ADAMTSL3: variants seen among roughly 807,000 people sequenced by gnomAD.
ADAMTSL3 encodes ADAMTS-like protein 3.
A neutral mutation model predicts 201.7 loss-of-function variants in ADAMTSL3; 128 were observed. The observed-to-expected ratio is 0.63, with a 90% CI of 0.55 to 0.73. The LOEUF (loss-of-function observed/expected upper bound fraction) is 0.73, where lower values mean the gene tolerates loss of function less well. ADAMTSL3 is among the 30% of genes least tolerant of loss of function. The probability of loss-of-function intolerance (pLI) is 0.00; values close to 1 mark genes in which losing one functional copy is unlikely to be tolerated. For synonymous variants in ADAMTSL3, 738 were observed against 748.4 expected (o/e 0.99, Z 0.23); for missense variants, 1,990 against 2,119.6 (o/e 0.94, Z 1.20).
At chr15:83,921,354 G>T (rs968315006) in intron 16 of ADAMTSL3, among the ~76,000 whole-genome samples, 1 of 152,042 alleles carries the variant, frequency 6.6e-6, no homozygotes, top group Non-Finnish European at 1.5e-5. Context: ...TATTTCTAGG[G>T]CCCAAGACTA....
intron 23 of ADAMTSL3, among the ~76,000 whole-genome samples, chr15:83,993,268 C>T (rs974372490): frequency 2.6e-5 from 4 of 152,142 alleles, no homozygotes; most frequent in Non-Finnish European, 4.4e-5. Flanking sequence ...ATAGGTGAGT[C>T]ATATATCTTT....
intron 19 of ADAMTSL3, among the ~76,000 whole-genome samples, chr15:83,948,909 G>A (rs2066708750): frequency 6.6e-6 from 1 of 150,948 alleles, no homozygotes; most frequent in Admixed American, 6.6e-5. Context: ...ATATTTTATG[G>A]GGTACATGAG....
intron 2 of ADAMTSL3, among the ~76,000 whole-genome samples, chr15:83,658,188 C>T (rs1159726219): frequency 3.9e-5 from 6 of 152,226 alleles, no homozygotes; most frequent in South Asian, 4.1e-4. Context: ...CAGCTCACTG[C>T]AACCTCTGCT....
intron 3 of ADAMTSL3, among the ~76,000 whole-genome samples, chr15:83,771,176 T>A (rs2062976606): frequency 6.6e-6 from 1 of 151,662 alleles, no homozygotes; most frequent in South Asian, 2.1e-4. Context: ...TCTTTTTTTT[T>A]TTTTTTTTAT....
chr15:83,881,247 CA>C (rs2065264895), intron 9 of ADAMTSL3, among the ~76,000 whole-genome samples: 1 of 152,128 alleles, frequency 6.6e-6, no homozygotes, highest in Non-Finnish European at 1.5e-5. Context: ...GTCGTGTTTC[CA>C]GTTTACTTTA....
At chr15:83,825,854 T>C (rs917587807) in intron 6 of ADAMTSL3, among the ~76,000 whole-genome samples, 2 of 152,084 alleles carry the variant, frequency 1.3e-5, no homozygotes, top group Admixed American at 6.5e-5. Flanking sequence ...GGAATAGTGC[T>C]AGGAGATGAG....
Position 83,913,245 on chromosome 15 carries a change from G to T in ADAMTSL3, c.1854G>T (p.Arg618=). ...ECEGPKLPTE[R]PCLLEACDES... is the part of the protein sequence containing the mutation. Reference sequence around the variant, plus strand: ...AAGGCCCCAAGCTGCCCACCGAACGGCCCTGCCTCCTGGAAGCATGTGATG... The same window carrying T: ...AAGGCCCCAAGCTGCCCACCGAACGTCCCTGCCTCCTGGAAGCATGTGATG... The change falls in exon 16 of 30, where the codon CGG becomes CGT. Residue 618 remains arginine (R), a synonymous_variant. Coordinates refer to ENST00000286744, the MANE Select transcript of ADAMTSL3 (RefSeq NM_207517.3). The T allele has an allele frequency of 1.2e-6, 2 of 1,614,114 alleles. No individual in the cohort carries two copies. The highest frequency in any genetic ancestry group is 1.7e-6 in the Non-Finnish European group (2 of 1,180,038).
intron 7 of ADAMTSL3, among the ~76,000 whole-genome samples, chr15:83,852,379 G>T (rs2064635214): frequency 1.3e-5 from 2 of 152,138 alleles, no homozygotes; most frequent in Non-Finnish European, 2.9e-5. Flanking sequence ...CTCTTAAAGT[G>T]CTGGGATTAC....
At position 83,982,755 on chromosome 15, in the gene ADAMTSL3, C is replaced by G. The variant is rs767560619; in HGVS notation, c.3127C>G (p.Leu1043Val). Residue 1043 changes from leucine (L) to valine (V), a missense_variant, in exon 21 of 30, where the codon CTT (leucine) becomes GTT (valine). Physicochemically the swap from Leu to Val is conservative, Grantham distance 32. Coordinates refer to ENST00000286744, the MANE Select transcript of ADAMTSL3 (RefSeq NM_207517.3). ...MRQMWNNKND[L>V]YLDDDHISNQ... ...GCAAATGTGGAATAACAAAAATGAC[C>G]TTTATCTGGATGATGACCACATTAG... 1.2e-6 allele frequency: 2 copies of G among 1,614,032 alleles called. No individual in the cohort carries two copies. The highest frequency in any genetic ancestry group is 1.1e-5 in the South Asian group (1 of 91,076).
chr15:83,879,253 A>G (rs1272724795), intron 9 of ADAMTSL3, among the ~76,000 whole-genome samples: 1 of 152,114 alleles, frequency 6.6e-6, no homozygotes, highest in Non-Finnish European at 1.5e-5. Flanking sequence ...CATATCATTA[A>G]TATCTGCCCC....
intron 3 of ADAMTSL3, among the ~76,000 whole-genome samples, chr15:83,767,184 T>G (rs756479010): frequency 3.9e-5 from 6 of 152,242 alleles, no homozygotes; most frequent in African/African-American, 1.2e-4. Context: ...GGGATGGTGA[T>G]ATCTATCTTA....
intron 3 of ADAMTSL3, among the ~76,000 whole-genome samples, chr15:83,718,430 G>T (rs189299919): frequency 6.6e-6 from 1 of 152,094 alleles, no homozygotes; most frequent in Admixed American, 6.6e-5. Context: ...GAAGCCAGGC[G>T]CAGTGGCTCA....
In ADAMTSL3 at chr15:83,983,022, C is replaced by G; in HGVS notation, c.3394C>G (p.Gln1132Glu). 6.2e-7 allele frequency: 1 copy of G among 1,614,162 alleles called. No homozygotes were observed. Among genetic ancestry groups the G allele is most frequent in the Non-Finnish European group, 8.5e-7 (1 of 1,180,030 alleles). ...GCTGGTGGCCGAATTAGCCAAGGCA[C>G]AGCCAACACACATGCAGTGGCGGGG... ...YQLVAELAKAQPTHMQWRGIQ... is the reference protein window; with the variant it reads ...YQLVAELAKAEPTHMQWRGIQ... The change falls in exon 21 of 30, where the codon CAG becomes GAG. Residue 1132 changes from glutamine to glutamate, a missense_variant. Gln to Glu is a conservative substitution (Grantham distance 29). Transcript: ENST00000286744.
Position 84,016,366 on chromosome 15 carries a change from C to CTT in ADAMTSL3, c.4157-8_4157-7dup, listed in dbSNP as rs3215154. 1.2e-3 allele frequency: 1,721 copies of CTT among 1,432,778 alleles called. 12 individuals are homozygous for CTT. The African/African-American group carries it at 0.021, about 18-fold the overall frequency. The allele number at this position is 1,432,778 out of a possible 1,614,324, so 88.8% of individuals were successfully genotyped here. A position where few individuals can be genotyped will look rare whatever the true frequency, so the allele number is the denominator to read the frequency against. On this transcript the variant is annotated splice_polypyrimidine_tract_variant and intron_variant, in intron 24 of 29. Coordinates refer to ENST00000286744, the MANE Select transcript of ADAMTSL3 (RefSeq NM_207517.3). Reference sequence around the variant, plus strand: ...TAATGTCTAACTGGTAAAAGTGCTACTTTTTTTTTTCCTCAGAACGAAGAT... The same window carrying CTT: ...TAATGTCTAACTGGTAAAAGTGCTACTTTTTTTTTTTTCCTCAGAACGAAGAT...
intron 23 of ADAMTSL3, among the ~76,000 whole-genome samples, chr15:84,005,381 T>A (rs2067875466): frequency 6.6e-6 from 1 of 152,258 alleles, no homozygotes; most frequent in African/African-American, 2.4e-5. Flanking sequence ...CCCTTTGAGC[T>A]GCTGTTTAGG....
At chr15:83,800,159 A>T (rs1485482784) in intron 4 of ADAMTSL3, among the ~76,000 whole-genome samples, 1 of 151,894 alleles carries the variant, frequency 6.6e-6, no homozygotes, top group East Asian at 1.9e-4. Flanking sequence ...AAGGAAACTG[A>T]GAAGTAATCT....
At chr15:83,850,939 C>T (rs186601982) in intron 7 of ADAMTSL3, among the ~76,000 whole-genome samples, 2 of 152,164 alleles carry the variant, frequency 1.3e-5, no homozygotes, top group Admixed American at 1.3e-4. Flanking sequence ...AGTTCTCCCT[C>T]TCTATATCCT....
intron 5 of ADAMTSL3, among the ~76,000 whole-genome samples, chr15:83,807,569 T>G (rs927594689): frequency 6.6e-5 from 10 of 152,298 alleles, no homozygotes; most frequent in African/African-American, 2.2e-4. Context: ...GATATACAGA[T>G]TTAATACAAT....
At chr15:83,747,046 T>TATATC (rs2062558378) in intron 3 of ADAMTSL3, among the ~76,000 whole-genome samples, 1 of 152,186 alleles carries the variant, frequency 6.6e-6, no homozygotes, top group Non-Finnish European at 1.5e-5. Context: ...TTTACCTCTG[T>TATATC]GTGGACATCG....
Sources: gnomAD v4.1 joint callset for allele counts (sites outside exome capture counted in the v4.1 genomes callset) on GRCh38, gnomAD v4.1.1 for gene constraint, MANE v1.5 for transcripts, NCBI Gene and HGNC (gene_info 2026-07-23, HGNC 2026-07-21) for gene names.